Variants in OR4D6 observed in about 807,000 individuals in gnomAD.
The protein encoded by OR4D6 is olfactory receptor family 4 subfamily D member 6, also known as olfactory receptor 4D6.
OR4D6 carries 9 observed loss-of-function variants against 10.9 expected under a neutral mutation model. The observed-to-expected ratio is 0.82, with a 90% CI of 0.50 to 1.44. The LOEUF (loss-of-function observed/expected upper bound fraction) is 1.44. Ranked by LOEUF, OR4D6 falls within the 40% of genes most tolerant of loss-of-function variation. The pLI, the probability that OR4D6 is intolerant of heterozygous loss-of-function variation, is 0.00. For missense variants in OR4D6, 370 were observed against 384.4 expected (o/e 0.96, Z 0.31); for synonymous variants, 167 against 154.4 (o/e 1.08, Z -0.60).
At position 59,457,731 on chromosome 11, in the gene OR4D6, C is replaced by T; in HGVS notation, c.771C>T (p.Ile257=). The T allele has an allele frequency of 6.2e-7, 1 of 1,614,008 alleles. No individual in the cohort carries two copies. The highest frequency in any genetic ancestry group is 8.5e-7 in the Non-Finnish European group (1 of 1,179,972). ...VTLHFVPCVY[I]YCRPFMTLPM... ...TTCACTTCGTGCCTTGTGTTTACAT[C>T]TACTGCCGGCCCTTCATGACGCTGC... Residue 257 remains isoleucine, a synonymous_variant, in exon 1 of 1, where the codon ATC becomes ATT. Coordinates refer to ENST00000300127, the MANE Select transcript of OR4D6 (RefSeq NM_001004708.1).
Position 59,457,724 on chromosome 11 carries a change from T to C in OR4D6, c.764T>C (p.Val255Ala), listed in dbSNP as rs138303092. The C allele has an allele frequency of 1.2e-6, 2 of 1,613,716 alleles. No individual in the cohort carries two copies. The highest frequency in any genetic ancestry group is 1.7e-6 in the Non-Finnish European group (2 of 1,179,940). The change falls in exon 1 of 1, where the codon GTT becomes GCT. Residue 255 changes from valine to alanine, a missense_variant. Val to Ala is a moderately conservative substitution (Grantham distance 64). Coordinates refer to ENST00000300127, the MANE Select transcript of OR4D6 (RefSeq NM_001004708.1). ...LVVTLHFVPCVYIYCRPFMTL... is the reference protein window; with the variant it reads ...LVVTLHFVPCAYIYCRPFMTL... ...GTGACTCTTCACTTCGTGCCTTGTG[T>C]TTACATCTACTGCCGGCCCTTCATG... is the stretch of plus-strand genomic sequence containing the variant.
At position 59,457,560 on chromosome 11, in the gene OR4D6, C is replaced by T; in HGVS notation, c.600C>T (p.Ile200=). 1 of 1,614,128 alleles carries T rather than the reference C, an allele frequency of 6.2e-7. No homozygotes were observed. The highest frequency in any genetic ancestry group is 8.5e-7 in the Non-Finnish European group (1 of 1,180,004). ...TDTFALELFM[I]SNNGLVTLLW... ...CCTTTGCTTTGGAGCTTTTCATGAT[C>T]TCTAACAACGGACTGGTGACCCTGC... The change falls in exon 1 of 1, where the codon ATC becomes ATT. Residue 200 remains isoleucine (I), a synonymous_variant. Coordinates refer to ENST00000300127, the MANE Select transcript of OR4D6 (RefSeq NM_001004708.1).
chr11:59,457,559 T>C lies in OR4D6; in HGVS notation c.599T>C (p.Ile200Thr). ...ACCTTTGCTTTGGAGCTTTTCATGA[T>C]CTCTAACAACGGACTGGTGACCCTG... ...TDTFALELFM[I>T]SNNGLVTLLW... The change falls in exon 1 of 1, where the codon ATC becomes ACC. Residue 200 changes from isoleucine to threonine, a missense_variant. Physicochemically the swap from Ile to Thr is moderately conservative, Grantham distance 89. Transcript: ENST00000300127. The C allele has an allele frequency of 6.2e-7, 1 of 1,614,116 alleles. No individual in the cohort carries two copies. The highest frequency in any genetic ancestry group is 8.5e-7 in the Non-Finnish European group (1 of 1,179,998).
At position 59,457,660 on chromosome 11, in the gene OR4D6, A is replaced by G; in HGVS notation, c.700A>G (p.Asn234Asp). ...GAGATCCCACTCTGGGGAGGGGCGG[A>G]ACAAGGCCCTCTCCACGTGCACGTC... ...MLRSHSGEGR[N>D]KALSTCTSHM... The change falls in exon 1 of 1, where the codon AAC (asparagine) becomes GAC (aspartate). Residue 234 changes from asparagine to aspartate, a missense_variant. Transcript: ENST00000300127. 1.2e-6 allele frequency: 2 copies of G among 1,613,898 alleles called. No individual in the cohort carries two copies. The highest frequency in any genetic ancestry group is 1.7e-6 in the Non-Finnish European group (2 of 1,179,846).
At position 59,457,137 on chromosome 11, in the gene OR4D6, G is replaced by A. The variant is rs1474956816; in HGVS notation, c.177G>A (p.Met59Ile). The A allele has an allele frequency of 3.1e-6, 5 of 1,613,972 alleles. No individual in the cohort carries two copies. The South Asian group carries it at 3.3e-5, about 11-fold the overall frequency. Residue 59 changes from methionine to isoleucine, a missense_variant, in exon 1 of 1, where the codon ATG becomes ATA. Transcript: ENST00000300127. ...GTGAGTCCCGCCTACACACTCCTAT[G>A]TACTTTCTCCTGCGGAACAAATCAG... ...ITCESRLHTP[M>I]YFLLRNKSVL...
At position 59,457,713 on chromosome 11, in the gene OR4D6, C is replaced by A. The variant is rs1436003028; in HGVS notation, c.753C>A (p.Phe251Leu). The change falls in exon 1 of 1, where the codon TTC (phenylalanine) becomes TTA (leucine). Residue 251 changes from phenylalanine to leucine, a missense_variant. Phe to Leu is a conservative substitution (Grantham distance 22). Transcript: ENST00000300127. The part of the protein sequence containing the change: ...TSHMLVVTLH[F>L]VPCVYIYCRP... The stretch of plus-strand genomic sequence containing the variant: ...ACATGCTGGTGGTGACTCTTCACTT[C>A]GTGCCTTGTGTTTACATCTACTGCC... 6 of 1,613,836 alleles carry A rather than the reference C, an allele frequency of 3.7e-6. No individual in the cohort carries two copies. Among genetic ancestry groups the A allele is most frequent in the Admixed American group, 1.7e-5 (1 of 59,972 alleles).
In OR4D6 at chr11:59,457,817, T is replaced by A. The variant is rs1858690286; in HGVS notation, c.857T>A (p.Ile286Asn). Residue 286 changes from isoleucine to asparagine, a missense_variant, in exon 1 of 1, where the codon ATC becomes AAC. Coordinates refer to ENST00000300127, the MANE Select transcript of OR4D6 (RefSeq NM_001004708.1). ...ATTACCCCCATGCTGAACCCCATCATCTATTCCCTGAGAAATCAAGAGATG... is the reference window on the plus strand; with the variant it reads ...ATTACCCCCATGCTGAACCCCATCAACTATTCCCTGAGAAATCAAGAGATG... ...TVITPMLNPI[I>N]YSLRNQEMKS... The A allele has an allele frequency of 6.2e-7, 1 of 1,613,966 alleles. No homozygotes were observed.
chr11:59,457,584 G>A lies in OR4D6; in HGVS notation c.624G>A (p.Leu208=), dbSNP rs151172983. ...TCTCTAACAACGGACTGGTGACCCT[G>A]CTCTGGTTCCTCCTGCTCCTGGGCT... ...FMISNNGLVT[L]LWFLLLLGSY... Residue 208 remains leucine (L), a synonymous_variant, in exon 1 of 1, where the codon CTG becomes CTA. Coordinates refer to ENST00000300127, the MANE Select transcript of OR4D6 (RefSeq NM_001004708.1). 144 of 1,614,016 alleles carry A rather than the reference G, an allele frequency of 8.9e-5. No individual in the cohort carries two copies. The highest frequency in any genetic ancestry group is 1.2e-4 in the Non-Finnish European group (138 of 1,180,038).
In OR4D6 at chr11:59,457,616, C is replaced by T; in HGVS notation, c.656C>T (p.Thr219Ile). 1.2e-6 allele frequency: 2 copies of T among 1,614,104 alleles called. No individual in the cohort carries two copies. The highest frequency in any genetic ancestry group is 1.7e-6 in the Non-Finnish European group (2 of 1,180,006). The stretch of plus-strand genomic sequence containing the variant: ...TTCCTCCTGCTCCTGGGCTCCTACA[C>T]TGTCATTCTGGTGATGCTGAGATCC... ...LWFLLLLGSY[T>I]VILVMLRSHS... Residue 219 changes from threonine to isoleucine, a missense_variant, in exon 1 of 1, where the codon ACT becomes ATT. Thr to Ile is a moderately conservative substitution (Grantham distance 89). Coordinates refer to ENST00000300127, the MANE Select transcript of OR4D6 (RefSeq NM_001004708.1).
Position 59,457,462 on chromosome 11 carries a change from T to C in OR4D6, c.502T>C (p.Phe168Leu), listed in dbSNP as rs1363885792. 9 of 1,614,034 alleles carry C rather than the reference T, an allele frequency of 5.6e-6. No individual in the cohort carries two copies. In the Admixed American group the frequency reaches 1.5e-4, roughly 27 times the overall value. ...IQVILMLPFPFCGPNTLDAFY... is the reference protein window; with the variant it reads ...IQVILMLPFPLCGPNTLDAFY... The stretch of plus-strand genomic sequence containing the variant: ...GGTAATTCTGATGCTTCCATTCCCC[T>C]TCTGTGGCCCCAACACACTGGATGC... The change falls in exon 1 of 1, where the codon TTC (phenylalanine) becomes CTC (leucine). Residue 168 changes from phenylalanine to leucine, a missense_variant. Physicochemically the swap from Phe to Leu is conservative, Grantham distance 22 (BLOSUM62 0). Coordinates refer to ENST00000300127, the MANE Select transcript of OR4D6 (RefSeq NM_001004708.1).
At position 59,457,399 on chromosome 11, in the gene OR4D6, G is replaced by A. The variant is rs766402446; in HGVS notation, c.439G>A (p.Ala147Thr). 1.9e-6 allele frequency: 3 copies of A among 1,614,126 alleles called. No homozygotes were observed. The South Asian group carries it at 3.3e-5, about 18-fold the overall frequency. ...RKEVWVALVVASWVSGGLHSI... is the reference protein window; with the variant it reads ...RKEVWVALVVTSWVSGGLHSI... ...AGAGGTGTGGGTGGCCTTGGTGGTG[G>A]CTTCTTGGGTGAGTGGTGGTTTGCA... The change falls in exon 1 of 1, where the codon GCT becomes ACT. Residue 147 changes from alanine (A) to threonine (T), a missense_variant. Physicochemically the swap from Ala to Thr is moderately conservative, Grantham distance 58 (BLOSUM62 0). Transcript: ENST00000300127.
Position 59,456,990 on chromosome 11 carries a change from G to A in OR4D6, c.30G>A (p.Lys10=). The A allele has an allele frequency of 1.2e-6, 2 of 1,613,958 alleles. No individual in the cohort carries two copies. The highest frequency in any genetic ancestry group is 1.7e-6 in the Non-Finnish European group (2 of 1,179,868). Residue 10 remains lysine (K), a synonymous_variant, in exon 1 of 1, where the codon AAG becomes AAA. Transcript: ENST00000300127. MDQINHTNV[K]EFFFLELTRS... Reference sequence around the variant, plus strand: ...ACCAGATCAACCACACTAATGTGAAGGAGTTTTTCTTCCTGGAACTTACAC... The same window carrying A: ...ACCAGATCAACCACACTAATGTGAAAGAGTTTTTCTTCCTGGAACTTACAC...
rs1164347254 is a variant in OR4D6, at chr11:59,457,851, C to T, written c.891C>T (p.Ala297=). 2 of 1,613,852 alleles carry T rather than the reference C, an allele frequency of 1.2e-6. No individual in the cohort carries two copies. Among genetic ancestry groups the T allele is most frequent in the African/African-American group, 1.3e-5 (1 of 75,022 alleles). ...YSLRNQEMKS[A]MQRLQRRLGP... is the part of the protein sequence containing the mutation. ...TGAGAAATCAAGAGATGAAGTCAGCCATGCAGAGGCTGCAGAGGAGACTTG... is the reference window on the plus strand; with the variant it reads ...TGAGAAATCAAGAGATGAAGTCAGCTATGCAGAGGCTGCAGAGGAGACTTG... The change falls in exon 1 of 1, where the codon GCC becomes GCT. Residue 297 remains alanine, a synonymous_variant. Coordinates refer to ENST00000300127, the MANE Select transcript of OR4D6 (RefSeq NM_001004708.1).
In OR4D6 at chr11:59,457,067, T is replaced by C. The variant is rs749901053; in HGVS notation, c.107T>C (p.Val36Ala). ...FLFVVFFAVY[V>A]ATVLGNALIV... ...TTTGTGGTCTTCTTTGCTGTGTATG[T>C]AGCAACAGTCCTGGGAAATGCACTC... Residue 36 changes from valine to alanine, a missense_variant, in exon 1 of 1, where the codon GTA becomes GCA. Coordinates refer to ENST00000300127, the MANE Select transcript of OR4D6 (RefSeq NM_001004708.1). 1 of 1,614,058 alleles carries C rather than the reference T, an allele frequency of 6.2e-7. No individual in the cohort carries two copies. The highest frequency in any genetic ancestry group is 8.5e-7 in the Non-Finnish European group (1 of 1,179,892).
rs747124614 is a variant in OR4D6 at position 59,457,688 on chromosome 11, A to T, written c.728A>T (p.His243Leu). Residue 243 changes from histidine to leucine, a missense_variant, in exon 1 of 1, where the codon CAC (histidine) becomes CTC (leucine). His to Leu is a moderately conservative substitution (Grantham distance 99, BLOSUM62 -3). Transcript: ENST00000300127. ...RNKALSTCTSHMLVVTLHFVP... is the reference protein window; with the variant it reads ...RNKALSTCTSLMLVVTLHFVP... ...AAGGCCCTCTCCACGTGCACGTCCC[A>T]CATGCTGGTGGTGACTCTTCACTTC... 6.2e-7 allele frequency: 1 copy of T among 1,614,038 alleles called. No homozygotes were observed. Among genetic ancestry groups the T allele is most frequent in the Non-Finnish European group, 8.5e-7 (1 of 1,179,954 alleles).
Position 59,457,191 on chromosome 11 carries a change from C to A in OR4D6, c.231C>A (p.Thr77=). 6.2e-7 allele frequency: 1 copy of A among 1,613,352 alleles called. No homozygotes were observed. Among genetic ancestry groups the A allele is most frequent in the Non-Finnish European group, 8.5e-7 (1 of 1,179,550 alleles). ...TGGACATCGTTTTTTCATCTATCAC[C>A]GTCCCCAAGTTCCTGGTGGATCTTT... ...SVLDIVFSSI[T]VPKFLVDLLS... is the part of the protein sequence containing the mutation. Residue 77 remains threonine, a synonymous_variant, in exon 1 of 1, where the codon ACC becomes ACA. Transcript: ENST00000300127.
In OR4D6 at chr11:59,457,678, T is replaced by C. The variant is rs1858688097; in HGVS notation, c.718T>C (p.Cys240Arg). ...GGGGCGGAACAAGGCCCTCTCCACG[T>C]GCACGTCCCACATGCTGGTGGTGAC... ...GEGRNKALST[C>R]TSHMLVVTLH... Residue 240 changes from cysteine (C) to arginine (R), a missense_variant, in exon 1 of 1, where the codon TGC (cysteine) becomes CGC (arginine). Cys to Arg is a radical substitution (Grantham distance 180). Transcript: ENST00000300127. 10 of 1,614,044 alleles carry C rather than the reference T, an allele frequency of 6.2e-6. No homozygotes were observed. In the East Asian group the frequency reaches 2.2e-4, roughly 36 times the overall value.
rs1206974429 is a variant in OR4D6, at chr11:59,457,392, G to A, written c.432G>A (p.Leu144=). 1 of 1,614,078 alleles carries A rather than the reference G, an allele frequency of 6.2e-7. No individual in the cohort carries two copies. Among genetic ancestry groups the A allele is most frequent in the East Asian group, 2.2e-5 (1 of 44,884 alleles). The change falls in exon 1 of 1, where the codon TTG becomes TTA. Residue 144 remains leucine, a synonymous_variant. Transcript: ENST00000300127. ...TMMRKEVWVA[L]VVASWVSGGL... ...TGAGGAAAGAGGTGTGGGTGGCCTT[G>A]GTGGTGGCTTCTTGGGTGAGTGGTG...
At position 59,457,216 on chromosome 11, in the gene OR4D6, T is replaced by C. The variant is rs762127173; in HGVS notation, c.256T>C (p.Leu86=). 2 of 1,613,096 alleles carry C rather than the reference T, an allele frequency of 1.2e-6. No individual in the cohort carries two copies. Among genetic ancestry groups the C allele is most frequent in the East Asian group, 2.2e-5 (1 of 44,878 alleles). ...CGTCCCCAAGTTCCTGGTGGATCTT[T>C]TATCAGACAGGAAAACCATCTCCTA... The part of the protein sequence containing the change: ...ITVPKFLVDL[L]SDRKTISYND... Residue 86 remains leucine (L), a synonymous_variant, in exon 1 of 1, where the codon TTA becomes CTA. Transcript: ENST00000300127.
Sources: gnomAD v4.1 joint callset for allele counts on GRCh38, gnomAD v4.1.1 for gene constraint, MANE v1.5 for transcripts, NCBI Gene and HGNC (gene_info 2026-07-23, HGNC 2026-07-21) for gene names.